OR2L5: variants seen among roughly 807,000 people sequenced by gnomAD.
The protein encoded by OR2L5 is olfactory receptor family 2 subfamily L member 5.
For missense variants in OR2L5, 413 were observed against 381.6 expected (o/e 1.08, Z -0.69); for synonymous variants, 169 against 142.0 (o/e 1.19, Z -1.35).
intron 1 of OR2L5, among the ~76,000 whole-genome samples, chr1:248,016,860 C>T (rs1265130379): frequency 2.0e-5 from 3 of 151,670 alleles, no homozygotes; most frequent in African/African-American, 7.3e-5. Context: ...ACTTACAACC[C>T]CTGAATCTCA....
chr1:248,016,495 A>G (rs1173681379), intron 1 of OR2L5, among the ~76,000 whole-genome samples: 1 of 152,130 alleles, frequency 6.6e-6, no homozygotes, highest in Non-Finnish European at 1.5e-5. Context: ...TAAATGATTG[A>G]ATTTTAGCCA....
rs1662395044 is a variant in OR2L5 at position 248,023,357 on chromosome 1, C to T, written c.*471C>T. On this transcript the variant is annotated 3_prime_UTR_variant, in exon 2 of 2. Coordinates refer to ENST00000355281, the MANE Select transcript of OR2L5 (RefSeq NM_001258284.2). ...TAATGATTTATTAATAAATTTACCT[C>T]AGGATAAATAAGTATGTCTGGGGTG... is the stretch of plus-strand genomic sequence containing the variant. 6.6e-6 allele frequency: 1 copy of T among 152,468 alleles called. No individual in the cohort carries two copies. Among genetic ancestry groups the T allele is most frequent in the African/African-American group, 2.4e-5 (1 of 41,534 alleles). 9.4% of individuals were successfully genotyped at this position (152,468 alleles called of 1,614,324 possible).
At chr1:248,021,576 A>G (rs898001147) in intron 1 of OR2L5, among the ~76,000 whole-genome samples, 4 of 152,302 alleles carry the variant, frequency 2.6e-5, no homozygotes, top group East Asian at 1.9e-4. Flanking sequence ...ACTTTATTTC[A>G]TCATGTAGAC....
intron 1 of OR2L5, among the ~76,000 whole-genome samples, chr1:248,018,140 G>T (rs989641837): frequency 5.4e-5 from 8 of 146,988 alleles, no homozygotes; most frequent in African/African-American, 2.1e-4. Context: ...AGGCGACAGA[G>T]CGACTCCATC....
chr1:248,023,120 G>C lies in OR2L5; in HGVS notation c.*234G>C, dbSNP rs936340530. The C allele has an allele frequency of 2.4e-4, 87 of 366,898 alleles. 5 individuals carry two copies. The highest frequency in any genetic ancestry group is 9.8e-6 in the Non-Finnish European group (2 of 204,520). 22.7% of individuals were successfully genotyped at this position (366,898 alleles called of 1,614,324 possible). A position where few individuals can be genotyped will look rare whatever the true frequency, so the allele number is the denominator to read the frequency against. Reference sequence around the variant, plus strand: ...CATATATTTTACACTAAATTGTAAGGCCATAGAATTTCATTATCATGTATA... The same window carrying C: ...CATATATTTTACACTAAATTGTAAGCCCATAGAATTTCATTATCATGTATA... On this transcript the variant is annotated 3_prime_UTR_variant, in exon 2 of 2. Transcript: ENST00000355281.
At chr1:248,015,386 C>T (rs575172172) in intron 1 of OR2L5, among the ~76,000 whole-genome samples, 2 of 152,194 alleles carry the variant, frequency 1.3e-5, no homozygotes, top group East Asian at 3.9e-4. Context: ...TCTTCTGTGT[C>T]ATCTGATTGA....
At position 248,023,666 on chromosome 1, in the gene OR2L5, C is replaced by G. The variant is rs1572679502; in HGVS notation, c.*780C>G. On this transcript the variant is annotated 3_prime_UTR_variant, in exon 2 of 2. Coordinates refer to ENST00000355281, the MANE Select transcript of OR2L5 (RefSeq NM_001258284.2). The stretch of plus-strand genomic sequence containing the variant: ...GATTGGGATCAACTCCTCTGCTCCA[C>G]TATTTTTATACCTGCTTAGGCCTGT... 6.6e-6 allele frequency: 1 copy of G among 152,220 alleles called. No individual in the cohort carries two copies. Among genetic ancestry groups the G allele is most frequent in the African/African-American group, 2.4e-5 (1 of 41,454 alleles). The allele number at this position is 152,220 out of a possible 1,614,324, so 9.4% of individuals were successfully genotyped here. A position where few individuals can be genotyped will look rare whatever the true frequency, so the allele number is the denominator to read the frequency against.
Position 248,023,122 on chromosome 1 carries a change from C to T in OR2L5, c.*236C>T, listed in dbSNP as rs1215425798. 3 of 356,108 alleles carry T rather than the reference C, an allele frequency of 8.4e-6. No homozygotes were observed. The highest frequency in any genetic ancestry group is 1.5e-5 in the Non-Finnish European group (3 of 197,576). 22.1% of individuals were successfully genotyped at this position (356,108 alleles called of 1,614,324 possible). Reference sequence around the variant, plus strand: ...TATATTTTACACTAAATTGTAAGGCCATAGAATTTCATTATCATGTATAAA... The same window carrying T: ...TATATTTTACACTAAATTGTAAGGCTATAGAATTTCATTATCATGTATAAA... On this transcript the variant is annotated 3_prime_UTR_variant, in exon 2 of 2. Coordinates refer to ENST00000355281, the MANE Select transcript of OR2L5 (RefSeq NM_001258284.2).
rs1232850727 is a variant in OR2L5 at position 248,023,330 on chromosome 1, A to C, written c.*444A>C. The C allele has an allele frequency of 6.6e-6, 1 of 152,504 alleles. No individual in the cohort carries two copies. Among genetic ancestry groups the C allele is most frequent in the Non-Finnish European group, 1.5e-5 (1 of 68,316 alleles). The allele number at this position is 152,504 out of a possible 1,614,324, so 9.4% of individuals were successfully genotyped here. A position where few individuals can be genotyped will look rare whatever the true frequency, so the allele number is the denominator to read the frequency against. On this transcript the variant is annotated 3_prime_UTR_variant, in exon 2 of 2. Transcript: ENST00000355281. ...GTGTATGTGTTCCTCTTTTTGCTAAAGTAATGATTTATTAATAAATTTACC... is the reference window on the plus strand; with the variant it reads ...GTGTATGTGTTCCTCTTTTTGCTAACGTAATGATTTATTAATAAATTTACC...
chr1:248,022,134 A>G lies in OR2L5; in HGVS notation c.187A>G (p.Ser63Gly). Residue 63 changes from serine to glycine, a missense_variant, in exon 2 of 2, where the codon AGT becomes GGT. Transcript: ENST00000355281. ...HLHTPMYFLL[S>G]QLSLIDLNYI... Reference sequence around the variant, plus strand: ...CCACACACCCATGTATTTCCTGCTTAGTCAGCTCTCCCTCATTGACCTAAA... The same window carrying G: ...CCACACACCCATGTATTTCCTGCTTGGTCAGCTCTCCCTCATTGACCTAAA... 1 of 1,613,948 alleles carries G rather than the reference A, an allele frequency of 6.2e-7. No individual in the cohort carries two copies. The highest frequency in any genetic ancestry group is 1.3e-5 in the African/African-American group (1 of 75,026).
Position 248,022,483 on chromosome 1 carries a change from A to C in OR2L5, c.536A>C (p.Asp179Ala). The stretch of plus-strand genomic sequence containing the variant: ...AGAGCCATCAATCATTTTTTCTGTG[A>C]TGTTCCAGCTATGTTGACATTAGCC... ...KSRAINHFFC[D>A]VPAMLTLACT... The change falls in exon 2 of 2, where the codon GAT becomes GCT. Residue 179 changes from aspartate to alanine, a missense_variant. Physicochemically the swap from Asp to Ala is moderately radical, Grantham distance 126 (BLOSUM62 -2). Coordinates refer to ENST00000355281, the MANE Select transcript of OR2L5 (RefSeq NM_001258284.2). 2.5e-6 allele frequency: 4 copies of C among 1,614,140 alleles called. No individual in the cohort carries two copies. Among genetic ancestry groups the C allele is most frequent in the Non-Finnish European group, 2.5e-6 (3 of 1,180,024 alleles).
At position 248,023,107 on chromosome 1, in the gene OR2L5, A is replaced by C; in HGVS notation, c.*221A>C. ...TCAAAAGACAGATCATATATTTTAC[A>C]CTAAATTGTAAGGCCATAGAATTTC... On this transcript the variant is annotated 3_prime_UTR_variant, in exon 2 of 2. Coordinates refer to ENST00000355281, the MANE Select transcript of OR2L5 (RefSeq NM_001258284.2). 1 of 410,964 alleles carries C rather than the reference A, an allele frequency of 2.4e-6. No homozygotes were observed. Among genetic ancestry groups the C allele is most frequent in the South Asian group, 5.3e-5 (1 of 18,710 alleles). The allele number at this position is 410,964 out of a possible 1,614,324, so 25.5% of individuals were successfully genotyped here. A position where few individuals can be genotyped will look rare whatever the true frequency, so the allele number is the denominator to read the frequency against.
intron 1 of OR2L5, among the ~76,000 whole-genome samples, chr1:248,020,527 T>C (rs749332257): frequency 6.6e-6 from 1 of 152,084 alleles, no homozygotes; most frequent in Non-Finnish European, 1.5e-5. Context: ...TAAAATGAAA[T>C]TGGCATATGG....
intron 1 of OR2L5, among the ~76,000 whole-genome samples, chr1:248,021,082 A>G (rs143275509): frequency 6.6e-6 from 1 of 152,226 alleles, no homozygotes; most frequent in East Asian, 1.9e-4. Context: ...GATCCATAAT[A>G]TATGCATTTA....
At chr1:248,019,317 C>T (rs1021409054) in intron 1 of OR2L5, among the ~76,000 whole-genome samples, 1 of 152,112 alleles carries the variant, frequency 6.6e-6, no homozygotes, top group Non-Finnish European at 1.5e-5. Flanking sequence ...AATGGTTTGA[C>T]TTACAATATT....
intron 1 of OR2L5, among the ~76,000 whole-genome samples, chr1:248,019,203 A>G (rs565811416): frequency 2.0e-5 from 3 of 152,324 alleles, no homozygotes; most frequent in African/African-American, 4.8e-5. Context: ...AGAAATTACT[A>G]TACAGATGGT....
At position 248,023,165 on chromosome 1, in the gene OR2L5, C is replaced by A; in HGVS notation, c.*279C>A. 8.3e-6 allele frequency: 2 copies of A among 240,870 alleles called. No individual in the cohort carries two copies. The highest frequency in any genetic ancestry group is 8.1e-6 in the Non-Finnish European group (1 of 123,446). 14.9% of individuals were successfully genotyped at this position (240,870 alleles called of 1,614,324 possible). On this transcript the variant is annotated 3_prime_UTR_variant, in exon 2 of 2. Transcript: ENST00000355281. ...TGTATAAATCAAAACAATAAATGTC[C>A]AAAGGAATCATATCATTCAGCATAA...
At chr1:248,021,817 A>G (rs895787999) in intron 1 of OR2L5, 110 bp from the exon 2 acceptor site, 16 of 648,376 alleles carry the variant, frequency 2.5e-5, no homozygotes, top group Non-Finnish European at 3.6e-5. Flanking sequence ...TAGTGTATAT[A>G]GGGTTCAGTG....
In OR2L5 at chr1:248,013,751, T is replaced by C. The variant is rs1028874346; in HGVS notation, c.-22+13T>C. 6.6e-6 allele frequency: 1 copy of C among 152,144 alleles called. No homozygotes were observed. The highest frequency in any genetic ancestry group is 1.5e-5 in the Non-Finnish European group (1 of 68,018). 9.4% of individuals were successfully genotyped at this position (152,144 alleles called of 1,614,324 possible). On this transcript the variant is annotated intron_variant, in intron 1 of 1. Coordinates refer to ENST00000355281, the MANE Select transcript of OR2L5 (RefSeq NM_001258284.2). ...GAGATAATAAAAGGTACTGATTATA[T>C]TTGTATTTTAAAATTTTTATTGATC...
Sources: gnomAD v4.1 joint callset for allele counts (sites outside exome capture counted in the v4.1 genomes callset) on GRCh38, gnomAD v4.1.1 for gene constraint, MANE v1.5 for transcripts, NCBI Gene and HGNC (gene_info 2026-07-23, HGNC 2026-07-21) for gene names.